Variants in USP25 observed in about 807,000 individuals in gnomAD.
USP25 encodes ubiquitin specific peptidase 25, also known as ubiquitin carboxyl-terminal hydrolase 25.
In USP25, 85 loss-of-function variants were observed where a neutral mutation model predicts 158.5. The ratio of observed to expected loss-of-function variants is 0.54; its 90% CI spans 0.45 to 0.64. USP25 has a LOEUF of 0.64. Among genes scored for constraint, USP25 ranks in the 30% least tolerant of loss-of-function variants. The pLI, the probability that USP25 is intolerant of heterozygous loss-of-function variation, is 0.00. For missense variants in USP25, 1,242 were observed against 1,327.3 expected, an observed-to-expected ratio of 0.94 and a Z score of 1.00; for synonymous variants, 464 against 460.4, an observed-to-expected ratio of 1.01 and a Z score of -0.10.
At chr21:15,803,233 A>C (rs1469996692) in intron 6 of USP25, among the ~76,000 whole-genome samples, 1 of 151,860 alleles carries the variant, frequency 6.6e-6, no homozygotes, top group African/African-American at 2.4e-5. Context: ...TTAAAAAGTA[A>C]AACTTCCCAA....
chr21:15,791,121 C>T (rs2035566712), intron 4 of USP25, among the ~76,000 whole-genome samples: 2 of 151,642 alleles, frequency 1.3e-5, no homozygotes, highest in Non-Finnish European at 2.9e-5. Context: ...TTTCTTGATT[C>T]AGAGTAATTG....
intron 3 of USP25, chr21:15,773,196 C>T (rs1297331265): frequency 1.3e-5 from 2 of 152,246 alleles, no homozygotes; most frequent in South Asian, 2.1e-4. Context: ...GCTGAACCCT[C>T]CGCTATTGGA....
At chr21:15,867,316 G>A (rs1175561997) in intron 22 of USP25, among the ~76,000 whole-genome samples, 1 of 151,756 alleles carries the variant, frequency 6.6e-6, no homozygotes, top group South Asian at 2.1e-4. Context: ...TGGTACTTTA[G>A]ATTCCCTAAA....
At chr21:15,732,480 G>A (rs1182420494) in intron 1 of USP25, among the ~76,000 whole-genome samples, 1 of 152,060 alleles carries the variant, frequency 6.6e-6, no homozygotes, top group Non-Finnish European at 1.5e-5. Flanking sequence ...ACTTAAAGCT[G>A]GTAACTAGGA....
chr21:15,857,020 C>T (rs139652057), intron 20 of USP25, among the ~76,000 whole-genome samples: 3 of 152,318 alleles, frequency 2.0e-5, no homozygotes, highest in African/African-American at 7.2e-5. Flanking sequence ...TACTCATACT[C>T]TAATTTAGGA....
chr21:15,769,484 G>T (rs1459292084), intron 3 of USP25, among the ~76,000 whole-genome samples: 1 of 152,118 alleles, frequency 6.6e-6, no homozygotes, highest in African/African-American at 2.4e-5. Context: ...GTTCAGATCA[G>T]ATCAAATATT....
intron 20 of USP25, among the ~76,000 whole-genome samples, chr21:15,854,658 C>T (rs2039050475): frequency 1.3e-5 from 2 of 152,144 alleles, no homozygotes; most frequent in South Asian, 2.1e-4. Context: ...AGTGATGCCA[C>T]TGTCAGCCTT....
At chr21:15,803,014 A>G (rs2036206531) in intron 6 of USP25, among the ~76,000 whole-genome samples, 1 of 151,722 alleles carries the variant, frequency 6.6e-6, no homozygotes, top group Non-Finnish European at 1.5e-5. Flanking sequence ...ATAGTGGAAT[A>G]TTATAAACAG....
At chr21:15,868,569 A>G (rs1025643914) in intron 22 of USP25, among the ~76,000 whole-genome samples, 1 of 152,110 alleles carries the variant, frequency 6.6e-6, no homozygotes, top group Non-Finnish European at 1.5e-5. Context: ...TTGTTTTTAG[A>G]TTCTGCATAT....
chr21:15,858,658 G>A lies in USP25; in HGVS notation c.2548-5610G>A, dbSNP rs570523841. ...TTCTTATTTCATTTCTGGTTTTATT[G>A]CGGTGATCAGAAATTTTTATTACAT... is the stretch of plus-strand genomic sequence containing the variant. On this transcript the variant is annotated intron_variant, in intron 20 of 25. Coordinates refer to ENST00000400183, the MANE Select transcript of USP25 (RefSeq NM_001283041.3). Among the ~76,000 whole-genome samples the A allele has an allele frequency of 2.5e-3, 383 of 151,238 alleles. 5 individuals carry two copies. The highest frequency in any genetic ancestry group is 0.01 in the Middle Eastern group (3 of 292).
At chr21:15,779,299 G>T (rs972393043) in intron 4 of USP25, among the ~76,000 whole-genome samples, 1 of 151,860 alleles carries the variant, frequency 6.6e-6, no homozygotes, top group Non-Finnish European at 1.5e-5. Context: ...GTATTGCAAT[G>T]CATAATTGTC....
rs1439762395 is a variant in USP25, at chr21:15,879,642, T to G, written c.*1167T>G. 2 of 152,596 alleles carry G rather than the reference T, an allele frequency of 1.3e-5. No individual in the cohort carries two copies. Among genetic ancestry groups the G allele is most frequent in the Non-Finnish European group, 2.9e-5 (2 of 67,962 alleles). The allele number at this position is 152,596 out of a possible 1,614,324, so 9.5% of individuals were successfully genotyped here. On this transcript the variant is annotated 3_prime_UTR_variant, in exon 26 of 26. Coordinates refer to ENST00000400183, the MANE Select transcript of USP25 (RefSeq NM_001283041.3). ...AAAGGTAATCATGTTACTAACAACCTATTTTTGAATTCATAAAAATTTCTT... is the reference window on the plus strand; with the variant it reads ...AAAGGTAATCATGTTACTAACAACCGATTTTTGAATTCATAAAAATTTCTT...
chr21:15,731,526 C>T (rs1233487735), intron 1 of USP25, among the ~76,000 whole-genome samples: 2 of 152,156 alleles, frequency 1.3e-5, no homozygotes, highest in Non-Finnish European at 2.9e-5. Context: ...GGGCTGTCTA[C>T]ATACAGCCTG....
chr21:15,781,675 A>G (rs2034972725), intron 4 of USP25, among the ~76,000 whole-genome samples: 1 of 152,070 alleles, frequency 6.6e-6, no homozygotes, highest in African/African-American at 2.4e-5. Context: ...CCTCTGCCAT[A>G]CTGTCTCCCC....
At chr21:15,767,874 T>C (rs1407109942) in intron 3 of USP25, among the ~76,000 whole-genome samples, 4 of 152,076 alleles carry the variant, frequency 2.6e-5, no homozygotes, top group African/African-American at 7.2e-5. Context: ...AAAGAAGATA[T>C]TTGCTGTGCA....
chr21:15,796,279 T>C (rs1466814902), intron 5 of USP25, among the ~76,000 whole-genome samples: 2 of 151,516 alleles, frequency 1.3e-5, no homozygotes, highest in African/African-American at 4.8e-5. Context: ...TGATAATCAA[T>C]GGTGATGAGT....
intron 4 of USP25, among the ~76,000 whole-genome samples, chr21:15,786,110 A>G (rs746793209): frequency 2.2e-4 from 33 of 152,230 alleles, no homozygotes; most frequent in Middle Eastern, 3.4e-3. Flanking sequence ...GAAATGGAAA[A>G]AATAAGCAGA....
intron 7 of USP25, 116 bp from the exon 8 acceptor site, chr21:15,808,693 T>C (rs2036511786): frequency 3.1e-6 from 2 of 642,570 alleles, no homozygotes; most frequent in Non-Finnish European, 5.1e-6. Flanking sequence ...ACTTGTTATC[T>C]TTGTAAGGAG....
chr21:15,840,313 A>C (rs1009598187), intron 17 of USP25, among the ~76,000 whole-genome samples: 4 of 152,176 alleles, frequency 2.6e-5, no homozygotes, highest in Non-Finnish European at 5.9e-5. Flanking sequence ...TATTGAATTT[A>C]GCACATTGTA....
Sources: allele counts gnomAD v4.1 joint callset (sites outside exome capture counted in the v4.1 genomes callset), GRCh38; gene constraint gnomAD v4.1.1; transcripts MANE v1.5; gene names NCBI Gene and HGNC (gene_info 2026-07-23, HGNC 2026-07-21).